B3GAT2: variants seen among roughly 807,000 people sequenced by gnomAD.
B3GAT2 encodes galactosylgalactosylxylosylprotein 3-beta-glucuronosyltransferase 2.
In B3GAT2, 26 loss-of-function variants were observed where a neutral mutation model predicts 27.8. The ratio of observed to expected loss-of-function variants is 0.93; its 90% CI spans 0.68 to 1.30. B3GAT2 has a LOEUF of 1.30. B3GAT2 is among the 50% of genes most tolerant of loss of function. B3GAT2 has a pLI of 0.00. For synonymous variants in B3GAT2, 218 were observed against 195.1 expected (o/e 1.12, Z -0.98); for missense variants, 458 against 459.0 (o/e 1.00, Z 0.02).
intron 1 of B3GAT2, among the ~76,000 whole-genome samples, chr6:70,899,682 T>C (rs896307620): frequency 3.3e-5 from 5 of 152,190 alleles, no homozygotes; most frequent in African/African-American, 4.8e-5. Flanking sequence ...TCGACCACTA[T>C]ACTATATAGA....
At chr6:70,896,208 G>C (rs987737907) in intron 1 of B3GAT2, among the ~76,000 whole-genome samples, 10 of 152,106 alleles carry the variant, frequency 6.6e-5, no homozygotes, top group African/African-American at 2.4e-4. Context: ...GAGGGAGGGA[G>C]GGAACACAGA....
chr6:70,895,417 GT>G (rs1350796641), intron 1 of B3GAT2, among the ~76,000 whole-genome samples: 1 of 149,720 alleles, frequency 6.7e-6, no homozygotes, highest in East Asian at 2.0e-4. Flanking sequence ...ATATTAAAGA[GT>G]AAAAATAATT....
intron 1 of B3GAT2, among the ~76,000 whole-genome samples, chr6:70,906,472 T>C (rs1772604901): frequency 6.6e-6 from 1 of 152,164 alleles, no homozygotes; most frequent in Non-Finnish European, 1.5e-5. Context: ...CCCAGCTAGC[T>C]GGGGACTGCA....
Position 70,956,167 on chromosome 6 carries a change from G to C in B3GAT2, c.263C>G (p.Thr88Ser). 6.2e-7 allele frequency: 1 copy of C among 1,609,650 alleles called. No homozygotes were observed. Among genetic ancestry groups the C allele is most frequent in the Non-Finnish European group, 8.5e-7 (1 of 1,177,770 alleles). The change falls in exon 1 of 4, where the codon ACC (threonine) becomes AGC (serine). Residue 88 changes from threonine (T) to serine (S), a missense_variant. Coordinates refer to ENST00000230053, the MANE Select transcript of B3GAT2 (RefSeq NM_080742.3). Reference sequence around the variant, plus strand: ...CGCTTTCTGCACCGGGCGGCTGTAGGTGGGCGTGATGGCATAGATGGTGGG... The same window carrying C: ...CGCTTTCTGCACCGGGCGGCTGTAGCTGGGCGTGATGGCATAGATGGTGGG... Reference protein sequence around the residue: ...QLPTIYAITPTYSRPVQKAEL... With the variant: ...QLPTIYAITPSYSRPVQKAEL...
At position 70,956,376 on chromosome 6, in the gene B3GAT2, A is replaced by G; in HGVS notation, c.54T>C (p.Ile18=). The part of the protein sequence containing the change: ...RFFILLPWIL[I]VIIMLDVDTR... ...TGTCCACGTCGAGCATGATGATGAC[A>G]ATTAGGATCCAGGGCAGGAGGATAA... Residue 18 remains isoleucine (I), a synonymous_variant, in exon 1 of 4, where the codon ATT becomes ATC. Coordinates refer to ENST00000230053, the MANE Select transcript of B3GAT2 (RefSeq NM_080742.3). 3.2e-6 allele frequency: 5 copies of G among 1,557,938 alleles called. No homozygotes were observed. Among genetic ancestry groups the G allele is most frequent in the East Asian group, 2.4e-5 (1 of 41,538 alleles).
At chr6:70,875,293 T>C (rs1053894899) in intron 2 of B3GAT2, among the ~76,000 whole-genome samples, 9 of 152,174 alleles carry the variant, frequency 5.9e-5, no homozygotes, top group African/African-American at 2.2e-4. Context: ...CCCCTGGCCC[T>C]GTACTTTCCA....
Position 70,859,403 on chromosome 6 carries a change from A to T in B3GAT2, c.*2260T>A. 6.5e-7 allele frequency: 1 copy of T among 1,548,378 alleles called. No homozygotes were observed. ...ACTGGCCAATGACAAGGTGGTTAAA[A>T]TGTCCTTTAGTAGGTATGAAGACGT... On this transcript the variant is annotated 3_prime_UTR_variant, in exon 4 of 4. Coordinates refer to ENST00000230053, the MANE Select transcript of B3GAT2 (RefSeq NM_080742.3).
chr6:70,863,046 ACT>A (rs1771789431), intron 2 of B3GAT2, among the ~76,000 whole-genome samples: 1 of 152,096 alleles, frequency 6.6e-6, no homozygotes, highest in Admixed American at 6.5e-5. Context: ...CCATTGAAGC[ACT>A]CTACAATTGT....
intron 2 of B3GAT2, among the ~76,000 whole-genome samples, chr6:70,886,770 G>A (rs1275410843): frequency 6.6e-6 from 1 of 152,108 alleles, no homozygotes; most frequent in African/African-American, 2.4e-5. Flanking sequence ...ACAGTACTGT[G>A]GGCATCAAAT....
At chr6:70,862,810 A>AAAT (rs138098219) in intron 2 of B3GAT2, among the ~76,000 whole-genome samples, 3,618 of 152,186 alleles carry the variant, frequency 0.024, 49 homozygotes, top group Non-Finnish European at 0.038. Context: ...TCTCTACAAA[A>AAAT]AATACAAAAA....
intron 1 of B3GAT2, among the ~76,000 whole-genome samples, chr6:70,938,601 A>G (rs1490877432): frequency 5.3e-5 from 8 of 151,130 alleles, no homozygotes; most frequent in Non-Finnish European, 1.2e-4. Flanking sequence ...ATAACGCTGC[A>G]TATCTACAAC....
At chr6:70,947,698 A>G (rs958869896) in intron 1 of B3GAT2, among the ~76,000 whole-genome samples, 7 of 151,670 alleles carry the variant, frequency 4.6e-5, no homozygotes, top group African/African-American at 7.3e-5. Flanking sequence ...TCCAATCAAT[A>G]GAAAAAGAGG....
At chr6:70,918,438 T>C (rs1266635644) in intron 1 of B3GAT2, among the ~76,000 whole-genome samples, 2 of 152,234 alleles carry the variant, frequency 1.3e-5, no homozygotes, top group Admixed American at 6.5e-5. Flanking sequence ...CCTGTCATTA[T>C]GATGTTAGCT....
At chr6:70,907,349 C>A (rs1304441783) in intron 1 of B3GAT2, among the ~76,000 whole-genome samples, 1 of 152,194 alleles carries the variant, frequency 6.6e-6, no homozygotes, top group Non-Finnish European at 1.5e-5. Context: ...TGAACTACAG[C>A]AGCCACCTTG....
rs112230337 is a variant in B3GAT2 at position 70,910,378 on chromosome 6, T to C, written c.592-16106A>G. On this transcript the variant is annotated intron_variant, in intron 1 of 3. Transcript: ENST00000230053. ...TCCATTATTCCCTTCTTTGTATCCA[T>C]GTGTTCTCAATGTTTAGCTTCCACT... Among the ~76,000 whole-genome samples the C allele has an allele frequency of 5.1e-3, 782 of 152,298 alleles. 9 individuals carry two copies. The highest frequency in any genetic ancestry group is 0.018 in the African/African-American group (736 of 41,564).
intron 1 of B3GAT2, among the ~76,000 whole-genome samples, chr6:70,916,351 C>G (rs982898449): frequency 6.6e-6 from 1 of 151,814 alleles, no homozygotes; most frequent in African/African-American, 2.4e-5. Flanking sequence ...TACAAACAGA[C>G]TATTTGACTT....
intron 2 of B3GAT2, among the ~76,000 whole-genome samples, chr6:70,875,007 A>T (rs879772862): frequency 3.6e-4 from 54 of 151,040 alleles, no homozygotes; most frequent in Non-Finnish European, 5.9e-4. Context: ...CCTTTTTTAA[A>T]AAAAAAAAAA....
intron 2 of B3GAT2, among the ~76,000 whole-genome samples, chr6:70,889,244 G>A (rs961206380): frequency 2.6e-5 from 4 of 151,916 alleles, no homozygotes; most frequent in Non-Finnish European, 4.4e-5. Flanking sequence ...TCTCCTTTGG[G>A]ACTTTCAACA....
chr6:70,860,453 A>G lies in B3GAT2; in HGVS notation c.*1210T>C. 8.3e-7 allele frequency: 1 copy of G among 1,211,858 alleles called. No individual in the cohort carries two copies. Among genetic ancestry groups the G allele is most frequent in the Non-Finnish European group, 1.1e-6 (1 of 884,178 alleles). The allele number at this position is 1,211,858 out of a possible 1,614,324, so 75.1% of individuals were successfully genotyped here. On this transcript the variant is annotated 3_prime_UTR_variant, in exon 4 of 4. Transcript: ENST00000230053. The stretch of plus-strand genomic sequence containing the variant: ...TCTTTTTACCCATTTGTTCATATTA[A>G]GAATGATCTGATTGACCGTGTTGGT...
Sources: allele counts gnomAD v4.1 joint callset (sites outside exome capture counted in the v4.1 genomes callset), GRCh38; gene constraint gnomAD v4.1.1; transcripts MANE v1.5; gene names NCBI Gene and HGNC (gene_info 2026-07-23, HGNC 2026-07-21).